The following TIA1 variants were observed in gnomAD, a reference collection of about 807,000 sequenced individuals.
TIA1 encodes cytotoxic granule associated RNA binding protein TIA1.
In TIA1, 23 loss-of-function variants were observed where a neutral mutation model predicts 65.9. The observed-to-expected ratio is 0.35, with a 90% CI of 0.25 to 0.49. The LOEUF is 0.49. Ranked by LOEUF, TIA1 falls within the 20% of genes least tolerant of loss-of-function variation. The probability of loss-of-function intolerance (pLI) is 0.98; values close to 1 mark genes in which losing one functional copy is unlikely to be tolerated. For synonymous variants in TIA1, 147 were observed against 149.4 expected (o/e 0.98, Z 0.12); for missense variants, 371 against 477.9 (o/e 0.78, Z 2.09).
intron 9 of TIA1, 44 bp from the exon 10 acceptor site, chr2:70,216,336 A>T: frequency 1.9e-6 from 3 of 1,581,910 alleles, no homozygotes; most frequent in Non-Finnish European, 2.6e-6. Flanking sequence ...ACTAAGTTAT[A>T]TAAAAATCCT....
intron 5 of TIA1, chr2:70,228,829 C>A: frequency 7.1e-7 from 1 of 1,411,410 alleles, no homozygotes. Flanking sequence ...GAAAGTAGTT[C>A]TAAGGCATCA....
At chr2:70,233,777 A>G (rs573796601) in intron 2 of TIA1, among the ~76,000 whole-genome samples, 3 of 152,186 alleles carry the variant, frequency 2.0e-5, no homozygotes, top group Non-Finnish European at 2.9e-5. Flanking sequence ...AAAAAAAAAA[A>G]GAAAAAGTCA....
intron 1 of TIA1, among the ~76,000 whole-genome samples, chr2:70,237,700 C>G (rs944679957): frequency 6.6e-6 from 1 of 151,422 alleles, no homozygotes; most frequent in Non-Finnish European, 1.5e-5. Context: ...CCCTTCTCTA[C>G]TAAAAACACA....
chr2:70,224,109 G>A (rs1297330427), intron 7 of TIA1, among the ~76,000 whole-genome samples: 1 of 151,542 alleles, frequency 6.6e-6, no homozygotes, highest in Non-Finnish European at 1.5e-5. Flanking sequence ...GTAGAAACAG[G>A]GTTTCACCAG....
chr2:70,216,497 T>C lies in TIA1; in HGVS notation c.586A>G (p.Asn196Asp), dbSNP rs753833525. ...PPAPKSTYES[N>D]TKQLSYDEVV... ...TCATCATATGATAGCTGTTTGGTAT[T>C]TGCTGGTGAGAGAAAAGGTTTATGT... The change falls in exon 9 of 13, where the codon AAT becomes GAT. Residue 196 changes from asparagine to aspartate, a missense_variant and splice_region_variant. Asn to Asp is a conservative substitution (Grantham distance 23). Transcript: ENST00000433529. 3 of 1,612,448 alleles carry C rather than the reference T, an allele frequency of 1.9e-6. No homozygotes were observed. Among genetic ancestry groups the C allele is most frequent in the Middle Eastern group, 1.6e-4 (1 of 6,078 alleles).
chr2:70,229,688 C>A (rs1685292827), intron 3 of TIA1, among the ~76,000 whole-genome samples: 1 of 152,188 alleles, frequency 6.6e-6, no homozygotes, highest in Admixed American at 6.6e-5. Context: ...TCTGTAATCT[C>A]AGCACTTTCG....
At chr2:70,224,790 TGAG>T in intron 6 of TIA1, 161 bp from the exon 7 acceptor site, 1 of 1,401,190 alleles carries the variant, frequency 7.1e-7, no homozygotes, top group East Asian at 2.5e-5. Flanking sequence ...TATTAGGAAA[TGAG>T]GCTTAATTTT....
At chr2:70,213,011 G>GT (rs937518391) in intron 12 of TIA1, among the ~76,000 whole-genome samples, 166 bp from the exon 13 acceptor site, 23 of 152,104 alleles carry the variant, frequency 1.5e-4, no homozygotes, top group African/African-American at 5.6e-4. Context: ...TTTTACTAAA[G>GT]TTTTTTTCTC....
chr2:70,220,837 G>C (rs1041676402), intron 7 of TIA1, among the ~76,000 whole-genome samples: 3 of 151,658 alleles, frequency 2.0e-5, no homozygotes, highest in Non-Finnish European at 4.4e-5. Context: ...TACAGTTAGG[G>C]AAGGGATGTG....
At chr2:70,221,699 T>C (rs756906058) in intron 7 of TIA1, among the ~76,000 whole-genome samples, 3 of 152,158 alleles carry the variant, frequency 2.0e-5, no homozygotes, top group African/African-American at 7.2e-5. Flanking sequence ...TGTAGCTTCT[T>C]TTTGGGGTGG....
chr2:70,247,035 C>A (rs1475553746), intron 1 of TIA1, among the ~76,000 whole-genome samples: 1 of 152,134 alleles, frequency 6.6e-6, no homozygotes, highest in East Asian at 1.9e-4. Context: ...GTGCCTTAAC[C>A]CAAAATGCTG....
intron 12 of TIA1, among the ~76,000 whole-genome samples, chr2:70,213,887 A>G (rs1481876557): frequency 6.6e-6 from 1 of 152,172 alleles, no homozygotes; most frequent in Non-Finnish European, 1.5e-5. Flanking sequence ...CCTGGCCTCA[A>G]GTGATCCACC....
intron 5 of TIA1, chr2:70,228,712 C>T: frequency 1.0e-6 from 1 of 985,362 alleles, no homozygotes; most frequent in Non-Finnish European, 1.2e-6. Context: ...TTTTGGATTG[C>T]TCTTTGGGAA....
At position 70,230,693 on chromosome 2, in the gene TIA1, C is replaced by T. The variant is rs111976691; in HGVS notation, c.222+63G>A. 1.7e-3 allele frequency: 1,947 copies of T among 1,158,372 alleles called. 28 individuals carry two copies. The African/African-American group carries it at 0.026, about 15-fold the overall frequency. The allele number at this position is 1,158,372 out of a possible 1,614,324, so 71.8% of individuals were successfully genotyped here. On this transcript the variant is annotated intron_variant, in intron 3 of 12. Transcript: ENST00000433529. ...GTGTTTAATGTTTCTAAAAAGGAAA[C>T]AAAATCATATATAACTTAAATTTTT...
intron 6 of TIA1, chr2:70,225,448 T>A: frequency 3.1e-6 from 4 of 1,280,982 alleles, no homozygotes; most frequent in Non-Finnish European, 4.1e-6. Context: ...CCAGCCATGA[T>A]AGCTAAAACT....
In TIA1 at chr2:70,209,586, G is replaced by T. The variant is rs1055862818; in HGVS notation, c.*3133C>A. 1.3e-5 allele frequency: 5 copies of T among 398,156 alleles called. No homozygotes were observed. Among genetic ancestry groups the T allele is most frequent in the African/African-American group, 2.1e-5 (1 of 48,592 alleles). 24.7% of individuals were successfully genotyped at this position (398,156 alleles called of 1,614,324 possible). ...AATAACCTCCTATAAAGAAACGATT[G>T]GGGACTATCATTTTTGTGATTTAAC... On this transcript the variant is annotated 3_prime_UTR_variant, in exon 13 of 13. Coordinates refer to ENST00000433529, the MANE Select transcript of TIA1 (RefSeq NM_022173.4).
intron 1 of TIA1, among the ~76,000 whole-genome samples, chr2:70,247,953 G>A (rs78772827): frequency 0.021 from 3,248 of 151,858 alleles, 128 homozygotes; most frequent in African/African-American, 0.074. Flanking sequence ...TCACCGAGAA[G>A]AAAATGAAAG....
intron 6 of TIA1, among the ~76,000 whole-genome samples, chr2:70,226,213 G>T (rs1683731121): frequency 6.6e-6 from 1 of 151,814 alleles, no homozygotes; most frequent in Non-Finnish European, 1.5e-5. Context: ...CTAAAAATAT[G>T]ACACAGAAAT....
At chr2:70,245,149 G>C (rs866078939) in intron 1 of TIA1, among the ~76,000 whole-genome samples, 120 of 152,228 alleles carry the variant, frequency 7.9e-4, no homozygotes, top group African/African-American at 2.8e-3. Flanking sequence ...ACCACACCTA[G>C]CTAATTTTTG....
Sources: allele counts gnomAD v4.1 joint callset (sites outside exome capture counted in the v4.1 genomes callset), GRCh38; gene constraint gnomAD v4.1.1; transcripts MANE v1.5; gene names NCBI Gene and HGNC (gene_info 2026-07-23, HGNC 2026-07-21).